Variants in SYAP1 observed in about 807,000 individuals in gnomAD.
The protein encoded by SYAP1 is synapse associated protein 1.
SYAP1 carries 3 observed loss-of-function variants against 29.6 expected under a neutral mutation model. The ratio of observed to expected loss-of-function variants is 0.10; its 90% CI spans 0.05 to 0.26. The LOEUF (loss-of-function observed/expected upper bound fraction) is 0.26. Ranked by LOEUF, SYAP1 falls within the 10% of genes least tolerant of loss-of-function variation. The pLI is 1.00. For missense variants in SYAP1, 217 were observed against 264.1 expected, an observed-to-expected ratio of 0.82 and a Z score of 1.24; for synonymous variants, 102 against 102.7, an observed-to-expected ratio of 0.99 and a Z score of 0.04.
rs776040745 is a variant in SYAP1 at position 16,753,035 on chromosome X, A to G, written c.576-1910A>G. On this transcript the variant is annotated intron_variant, in intron 5 of 8. Coordinates refer to ENST00000380155, the MANE Select transcript of SYAP1 (RefSeq NM_032796.4). The stretch of plus-strand genomic sequence containing the variant: ...GTTGGGAGGATCACTTGAGCCCAGG[A>G]GTTCAAGACTAGCCTGGGCAACATG... 3.6e-5 allele frequency among the ~76,000 whole-genome samples: 4 copies of G among 109,840 alleles called. No individual in the cohort carries two copies. The South Asian group carries it at 1.6e-3, about 43-fold the overall frequency.
chrX:16,756,816 A>G (rs1263351141), intron 7 of SYAP1, 95 bp downstream of exon 7: 1 of 895,352 alleles, frequency 1.1e-6, no homozygotes, highest in African/African-American at 2.0e-5. Flanking sequence ...ATGTATGAAT[A>G]TGGGTTTGGA....
At chrX:16,752,387 T>TTATTAC (rs1257372444) in intron 5 of SYAP1, among the ~76,000 whole-genome samples, 1 of 105,207 alleles carries the variant, frequency 9.5e-6, no homozygotes, top group African/African-American at 3.4e-5. Flanking sequence ...ATTATTATTA[T>TTATTAC]TATTATTATT....
At chrX:16,739,774 T>A (rs1249689574) in intron 3 of SYAP1, among the ~76,000 whole-genome samples, 2 of 111,675 alleles carry the variant, frequency 1.8e-5, no homozygotes, top group Non-Finnish European at 3.8e-5. Flanking sequence ...ACCGTGTGTT[T>A]TGCAAGATTT....
chrX:16,734,073 CATT>C (rs1926268948), intron 1 of SYAP1, among the ~76,000 whole-genome samples: 1 of 110,569 alleles, frequency 9.0e-6, no homozygotes, highest in Admixed American at 9.7e-5. Context: ...CTTATTTGCT[CATT>C]ATTATTAAGA....
At chrX:16,724,257 A>G (rs1473479552) in intron 1 of SYAP1, among the ~76,000 whole-genome samples, 3 of 112,007 alleles carry the variant, frequency 2.7e-5, no homozygotes, top group Admixed American at 9.5e-5. Flanking sequence ...CACGTGTGAG[A>G]TGCTGTCTTC....
chrX:16,761,278 T>C lies in SYAP1; in HGVS notation c.*919T>C, dbSNP rs1054216070. The C allele has an allele frequency of 9.1e-6, 1 of 110,373 alleles. No individual in the cohort carries two copies. Among genetic ancestry groups the C allele is most frequent in the African/African-American group, 3.3e-5 (1 of 30,347 alleles). 9.1% of individuals were successfully genotyped at this position (110,373 alleles called of 1,213,427 possible). On this transcript the variant is annotated 3_prime_UTR_variant, in exon 9 of 9. Coordinates refer to ENST00000380155, the MANE Select transcript of SYAP1 (RefSeq NM_032796.4). The stretch of plus-strand genomic sequence containing the variant: ...TCTCTGGGGCCTTTTCTTTCTTTTC[T>C]TTTTAAACTATACCAGAAATTTTAC...
intron 1 of SYAP1, among the ~76,000 whole-genome samples, chrX:16,733,168 GT>G (rs1926246870): frequency 9.0e-6 from 1 of 111,369 alleles, no homozygotes; most frequent in African/African-American, 3.3e-5. Context: ...TCATATGACT[GT>G]AGACTGGGAA....
rs1925923506 is a variant in SYAP1, at chrX:16,719,970, G to A, written c.175+71G>A. On this transcript the variant is annotated intron_variant, in intron 1 of 8. Coordinates refer to ENST00000380155, the MANE Select transcript of SYAP1 (RefSeq NM_032796.4). ...CTCCTCTGGGACGGCCCTGGGGCGCGGGCCCGACTGGCTGGGGGATGAGGG... is the reference window on the plus strand; with the variant it reads ...CTCCTCTGGGACGGCCCTGGGGCGCAGGCCCGACTGGCTGGGGGATGAGGG... 5.7e-6 allele frequency: 6 copies of A among 1,053,405 alleles called. No homozygotes were observed. In the African/African-American group the frequency reaches 7.6e-5, roughly 13 times the overall value. 86.8% of individuals were successfully genotyped at this position (1,053,405 alleles called of 1,213,427 possible).
chrX:16,719,658 G>T lies in SYAP1; in HGVS notation c.-67G>T. ...CTCCCTGGGAGTCGCGCAGAGTGGAGTCAAAGGCAACCAGTGCTCGCTGCG... is the reference window on the plus strand; with the variant it reads ...CTCCCTGGGAGTCGCGCAGAGTGGATTCAAAGGCAACCAGTGCTCGCTGCG... On this transcript the variant is annotated 5_prime_UTR_variant, in exon 1 of 9. Coordinates refer to ENST00000380155, the MANE Select transcript of SYAP1 (RefSeq NM_032796.4). 1 of 1,141,614 alleles carries T rather than the reference G, an allele frequency of 8.8e-7. No homozygotes were observed. The highest frequency in any genetic ancestry group is 1.2e-6 in the Non-Finnish European group (1 of 857,544). The allele number at this position is 1,141,614 out of a possible 1,213,427, so 94.1% of individuals were successfully genotyped here.
At chrX:16,756,991 G>GT (rs1926856113) in intron 7 of SYAP1, among the ~76,000 whole-genome samples, 171 bp from the exon 8 acceptor site, 1 of 112,487 alleles carries the variant, frequency 8.9e-6, no homozygotes, top group African/African-American at 3.2e-5. Context: ...AACTCATGTA[G>GT]TTACCAAGCA....
intron 3 of SYAP1, among the ~76,000 whole-genome samples, chrX:16,739,652 G>A (rs756017707): frequency 2.7e-5 from 3 of 110,622 alleles, no homozygotes; most frequent in African/African-American, 9.9e-5. Flanking sequence ...TGGGTCACCA[G>A]CCTTGTGTTT....
At position 16,759,968 on chromosome X, in the gene SYAP1, G is replaced by A. The variant is rs186496525; in HGVS notation, c.932-264G>A. Among the ~76,000 whole-genome samples the A allele has an allele frequency of 1.5e-4, 17 of 112,391 alleles. No individual in the cohort carries two copies. In the East Asian group the frequency reaches 4.2e-3, roughly 28 times the overall value. On this transcript the variant is annotated intron_variant, in intron 8 of 8. Coordinates refer to ENST00000380155, the MANE Select transcript of SYAP1 (RefSeq NM_032796.4). Reference sequence around the variant, plus strand: ...AAATAAAAGGAAATGCAGAGGCATAGGGAAAGCAAAATAACACCCAAAATA... The same window carrying A: ...AAATAAAAGGAAATGCAGAGGCATAAGGAAAGCAAAATAACACCCAAAATA...
chrX:16,734,947 T>G (rs1926291980), intron 1 of SYAP1, among the ~76,000 whole-genome samples: 1 of 93,605 alleles, frequency 1.1e-5, no homozygotes, highest in Non-Finnish European at 2.0e-5. Context: ...TGCAGTGAGC[T>G]GAGATCACGC....
At chrX:16,724,189 C>T (rs752747326) in intron 1 of SYAP1, among the ~76,000 whole-genome samples, 11 of 111,868 alleles carry the variant, frequency 9.8e-5, no homozygotes, top group African/African-American at 2.9e-4. Flanking sequence ...CAGGGGTAAG[C>T]AGGCACAGTA....
rs890743738 is a variant in SYAP1 at position 16,719,914 on chromosome X, G to A, written c.175+15G>A. ...AGACTTCGGCAGTGAGTCTACCCTGGCTCTGGGACCGGGAAGGGGGGGGCG... is the reference window on the plus strand; with the variant it reads ...AGACTTCGGCAGTGAGTCTACCCTGACTCTGGGACCGGGAAGGGGGGGGCG... On this transcript the variant is annotated intron_variant, in intron 1 of 8. Coordinates refer to ENST00000380155, the MANE Select transcript of SYAP1 (RefSeq NM_032796.4). 8 of 1,167,269 alleles carry A rather than the reference G, an allele frequency of 6.9e-6. No homozygotes were observed. Among genetic ancestry groups the A allele is most frequent in the Middle Eastern group, 5.2e-4 (2 of 3,850 alleles).
chrX:16,762,378 T>C lies in SYAP1; in HGVS notation c.*2019T>C, dbSNP rs1297693961. ...AGTTATTGCTATCAATTTTACATAA[T>C]ATCTCATTTAAAAACAACCTAATTA... On this transcript the variant is annotated 3_prime_UTR_variant, in exon 9 of 9. Coordinates refer to ENST00000380155, the MANE Select transcript of SYAP1 (RefSeq NM_032796.4). The C allele has an allele frequency of 9.0e-6, 1 of 111,643 alleles. No individual in the cohort carries two copies. Among genetic ancestry groups the C allele is most frequent in the African/African-American group, 3.3e-5 (1 of 30,702 alleles). 9.2% of individuals were successfully genotyped at this position (111,643 alleles called of 1,213,427 possible).
intron 5 of SYAP1, among the ~76,000 whole-genome samples, chrX:16,754,638 G>A (rs1249059728): frequency 4.5e-5 from 5 of 110,474 alleles, no homozygotes; most frequent in Non-Finnish European, 9.5e-5. Context: ...TGAGGCAAGA[G>A]AATTGCTGGA....
intron 1 of SYAP1, among the ~76,000 whole-genome samples, chrX:16,727,765 G>A (rs958115672): frequency 1.8e-5 from 2 of 111,797 alleles, no homozygotes; most frequent in Non-Finnish European, 3.8e-5. Flanking sequence ...CTGTCAGAAG[G>A]TGACATTCTT....
chrX:16,728,863 G>C (rs4831055), intron 1 of SYAP1, among the ~76,000 whole-genome samples: 47,745 of 105,897 alleles, frequency 0.45, 9,933 homozygotes, highest in African/African-American at 0.78. Context: ...CACAGTGAAA[G>C]CCCGTCTCTA....
Sources: allele counts gnomAD v4.1 joint callset (sites outside exome capture counted in the v4.1 genomes callset), GRCh38; gene constraint gnomAD v4.1.1; transcripts MANE v1.5; gene names NCBI Gene and HGNC (gene_info 2026-07-23, HGNC 2026-07-21).